Variants in PUDP observed in about 807,000 individuals in gnomAD.
PUDP encodes pseudouridine-5'-phosphatase.
In PUDP, 8 loss-of-function variants were observed where a neutral mutation model predicts 9.4. The observed-to-expected ratio is 0.85, with a 90% CI of 0.50 to 1.53. The LOEUF (loss-of-function observed/expected upper bound fraction) is 1.53. Ranked by LOEUF, PUDP falls within the 40% of genes most tolerant of loss-of-function variation. The probability of loss-of-function intolerance (pLI) is 0.00; values close to 1 mark genes in which losing one functional copy is unlikely to be tolerated. For missense variants in PUDP, 188 were observed against 189.7 expected (o/e 0.99, Z 0.05); for synonymous variants, 99 against 80.7 (o/e 1.23, Z -1.22).
intron 3 of PUDP, among the ~76,000 whole-genome samples, chrX:6,764,617 A>T (rs1331502032): frequency 2.7e-5 from 3 of 112,013 alleles, no homozygotes; most frequent in Non-Finnish European, 5.6e-5. Context: ...TAAATGCAGG[A>T]CTTCTCAAAG....
chrX:6,751,371 A>T (rs1925080802), intron 3 of PUDP, among the ~76,000 whole-genome samples: 1 of 111,248 alleles, frequency 9.0e-6, no homozygotes, highest in Admixed American at 9.5e-5. Flanking sequence ...TTCCCTTCGC[A>T]AAGTCTCTGG....
At chrX:6,962,218 T>G (rs1436965310) in intron 3 of PUDP, among the ~76,000 whole-genome samples, 1 of 104,970 alleles carries the variant, frequency 9.5e-6, no homozygotes, top group African/African-American at 3.4e-5. Context: ...TAATTTAGCA[T>G]GGTCTGCCTC....
At chrX:7,077,027 G>A (rs1602753672) in intron 3 of PUDP, among the ~76,000 whole-genome samples, 193 bp downstream of exon 3, 3 of 111,958 alleles carry the variant, frequency 2.7e-5, no homozygotes, top group African/African-American at 3.3e-5. Flanking sequence ...GGTGACTTAG[G>A]TGCGGCCACG....
At chrX:6,858,322 C>CTTTTTTTTTTTTTTTT (rs370817442) in intron 3 of PUDP, among the ~76,000 whole-genome samples, 21 of 89,438 alleles carry the variant, frequency 2.3e-4, no homozygotes, top group Non-Finnish European at 2.9e-4. Context: ...TTTTTTCTTT[C>CTTTTTTTTTTTTTTTT]TTTTTTTTTT....
chrX:7,146,904 A>G (rs1932875447), intron 1 of PUDP, among the ~76,000 whole-genome samples: 1 of 105,462 alleles, frequency 9.5e-6, no homozygotes, highest in Middle Eastern at 4.7e-3. Flanking sequence ...GGGTTTTGAA[A>G]TGAAGGAATG....
chrX:6,772,297 A>G, intron 3 of PUDP, among the ~76,000 whole-genome samples: 1 of 111,316 alleles, frequency 9.0e-6, no homozygotes. Flanking sequence ...AATGAAATAA[A>G]TTTTTCCTCA....
intron 3 of PUDP, among the ~76,000 whole-genome samples, chrX:6,971,642 T>C (rs1928879445): frequency 9.2e-6 from 1 of 108,337 alleles, no homozygotes; most frequent in Non-Finnish European, 1.9e-5. Context: ...GCCCGGATAG[T>C]CTTGATCTCC....
At chrX:7,065,334 G>A (rs1032614794) in intron 3 of PUDP, among the ~76,000 whole-genome samples, 5 of 112,083 alleles carry the variant, frequency 4.5e-5, no homozygotes, top group African/African-American at 1.6e-4. Context: ...CTGTTCTTAA[G>A]GGGAGAGTTA....
rs140663110 is a variant in PUDP at position 6,979,124 on chromosome X, A to T, written c.205-781T>A. Among the ~76,000 whole-genome samples the T allele has an allele frequency of 1.3e-3, 146 of 112,388 alleles. 1 individual carries two copies. In the East Asian group the frequency reaches 0.022, roughly 17 times the overall value. Reference sequence around the variant, plus strand: ...ACAATGTTATCATGCATAAAATGTCATAATTTGTTATGTCGCGTAATAGTA... The same window carrying T: ...ACAATGTTATCATGCATAAAATGTCTTAATTTGTTATGTCGCGTAATAGTA... On this transcript the variant is annotated intron_variant and NMD_transcript_variant, in intron 1 of 3. Coordinates refer to the PUDP transcript ENST00000655425.
chrX:6,744,947 G>A (rs1349787227), intron 3 of PUDP, among the ~76,000 whole-genome samples: 6 of 111,820 alleles, frequency 5.4e-5, no homozygotes, highest in Non-Finnish European at 1.1e-4. Context: ...TATCATCAAC[G>A]AGTTAGATTG....
intron 3 of PUDP, among the ~76,000 whole-genome samples, chrX:6,804,072 G>C (rs1452178833): frequency 1.8e-5 from 2 of 111,425 alleles, no homozygotes; most frequent in African/African-American, 6.5e-5. Context: ...GGTATTGTTT[G>C]AGATGATGAG....
In PUDP at chrX:7,143,892, C is replaced by A. The variant is rs967488179; in HGVS notation, c.61+4161G>T. 2.7e-5 allele frequency among the ~76,000 whole-genome samples: 3 copies of A among 111,536 alleles called. No homozygotes were observed. In the Admixed American group the frequency reaches 2.9e-4, roughly 11 times the overall value. Reference sequence around the variant, plus strand: ...CACCCTCAGCCATCTCCTTTGCAAACGTGGAAGAGAACCTACATTTCACCT... The same window carrying A: ...CACCCTCAGCCATCTCCTTTGCAAAAGTGGAAGAGAACCTACATTTCACCT... On this transcript the variant is annotated intron_variant, in intron 1 of 3. Coordinates refer to ENST00000381077, the MANE Select transcript of PUDP (RefSeq NM_012080.5).
intron 3 of PUDP, among the ~76,000 whole-genome samples, chrX:6,769,302 T>A: frequency 8.9e-6 from 1 of 111,983 alleles, no homozygotes; most frequent in Non-Finnish European, 1.9e-5. Context: ...TCAATTTTTC[T>A]CATTAAGTTG....
intron 3 of PUDP, among the ~76,000 whole-genome samples, chrX:6,917,547 T>A (rs755008991): frequency 7.2e-5 from 8 of 111,419 alleles, no homozygotes; most frequent in South Asian, 3.8e-4. Context: ...GTTGAAAAAA[T>A]TATCTAAATA....
intron 1 of PUDP, among the ~76,000 whole-genome samples, chrX:7,128,428 A>T (rs1323773065): frequency 8.9e-6 from 1 of 112,029 alleles, no homozygotes; most frequent in Non-Finnish European, 1.9e-5. Context: ...TAGTTTATAA[A>T]TGTTTAGAAT....
chrX:6,906,837 T>G (rs1327668943), intron 3 of PUDP, among the ~76,000 whole-genome samples: 1 of 111,817 alleles, frequency 8.9e-6, no homozygotes, highest in African/African-American at 3.2e-5. Flanking sequence ...TCCAGCACAC[T>G]GAAAATGCAA....
chrX:6,851,681 A>C (rs1330920452), intron 3 of PUDP, among the ~76,000 whole-genome samples: 1 of 111,906 alleles, frequency 8.9e-6, no homozygotes, highest in East Asian at 2.8e-4. Flanking sequence ...GTGGCCACAA[A>C]AGAAGGCTAC....
intron 3 of PUDP, among the ~76,000 whole-genome samples, chrX:6,924,837 CTTG>C (rs1420510302): frequency 4.5e-5 from 5 of 112,244 alleles, no homozygotes; most frequent in Non-Finnish European, 7.5e-5. Context: ...CCTGAATATC[CTTG>C]TTGTTCTTTG....
At chrX:6,820,514 T>C (rs910033567) in intron 3 of PUDP, among the ~76,000 whole-genome samples, 2 of 111,760 alleles carry the variant, frequency 1.8e-5, no homozygotes, top group African/African-American at 6.5e-5. Flanking sequence ...GCAAACTAGT[T>C]ACTTCCTAGA....
Sources: gnomAD v4.1 joint callset for allele counts (sites outside exome capture counted in the v4.1 genomes callset) on GRCh38, gnomAD v4.1.1 for gene constraint, MANE v1.5 for transcripts, NCBI Gene and HGNC (gene_info 2026-07-23, HGNC 2026-07-21) for gene names.